TEX2: variants seen among roughly 807,000 people sequenced by gnomAD.
TEX2 encodes testis-expressed protein 2.
A neutral mutation model predicts 106.9 loss-of-function variants in TEX2; 53 were observed. The ratio of observed to expected loss-of-function variants is 0.50; its 90% CI spans 0.40 to 0.62. The LOEUF (loss-of-function observed/expected upper bound fraction) is 0.62, where lower values mean the gene tolerates loss of function less well. Among genes scored for constraint, TEX2 ranks in the 20% least tolerant of loss-of-function variants. TEX2 has a pLI of 0.00. For synonymous variants in TEX2, 523 were observed against 534.8 expected, an observed-to-expected ratio of 0.98 and a Z score of 0.30; for missense variants, 1,207 against 1,379.0, an observed-to-expected ratio of 0.88 and a Z score of 1.98.
chr17:64,243,808 CTTT>C (rs782115456), intron 1 of TEX2, among the ~76,000 whole-genome samples: 3 of 134,442 alleles, frequency 2.2e-5, no homozygotes. Context: ...TAAAACACCA[CTTT>C]TTTTTTTTTT....
intron 5 of TEX2, among the ~76,000 whole-genome samples, chr17:64,184,807 T>C (rs184738182): frequency 9.8e-5 from 15 of 152,342 alleles, no homozygotes; most frequent in African/African-American, 3.1e-4. Flanking sequence ...CCCATAGATA[T>C]CCAGTTGTTC....
intron 1 of TEX2, among the ~76,000 whole-genome samples, chr17:64,258,907 G>T (rs1490295693): frequency 6.6e-6 from 1 of 152,068 alleles, no homozygotes; most frequent in African/African-American, 2.4e-5. Flanking sequence ...ACAGGCATGT[G>T]CCACCACGCC....
At position 64,164,032 on chromosome 17, in the gene TEX2, T is replaced by A. The variant is rs192180747; in HGVS notation, c.2672-3099A>T. 3.0e-3 allele frequency among the ~76,000 whole-genome samples: 462 copies of A among 151,958 alleles called. 5 individuals are homozygous for A. Among genetic ancestry groups the A allele is most frequent in the Non-Finnish European group, 3.0e-3 (202 of 67,932 alleles). ...GGAGTAAGCAGGCAGTCCTGAGAGGTTCTCTGGGAAAGGGGGCTGGAGGCA... is the reference window on the plus strand; with the variant it reads ...GGAGTAAGCAGGCAGTCCTGAGAGGATCTCTGGGAAAGGGGGCTGGAGGCA... On this transcript the variant is annotated intron_variant, in intron 7 of 11. Coordinates refer to ENST00000584379, the MANE Select transcript of TEX2 (RefSeq NM_001288732.2).
At chr17:64,237,773 T>C (rs1280117634) in intron 1 of TEX2, among the ~76,000 whole-genome samples, 2 of 152,064 alleles carry the variant, frequency 1.3e-5, no homozygotes. Context: ...GTAGGTTCAG[T>C]TTGGGACATT....
At chr17:64,210,246 C>G (rs1189091399) in intron 2 of TEX2, among the ~76,000 whole-genome samples, 1 of 152,140 alleles carries the variant, frequency 6.6e-6, no homozygotes, top group Non-Finnish European at 1.5e-5. Flanking sequence ...TAACGCTAAG[C>G]TTAAGGGTGT....
rs755911931 is a variant in TEX2 at position 64,148,990 on chromosome 17, C to T, written c.3363G>A (p.Val1121=). ...STSCLLKDPP[V]EAADQP is the part of the protein sequence containing the mutation. ...CCCATCATGGCTGATCAGCAGCCTCCACAGGTGGGTCTTTCAGGAGGCAGG... is the reference window on the plus strand; with the variant it reads ...CCCATCATGGCTGATCAGCAGCCTCTACAGGTGGGTCTTTCAGGAGGCAGG... Residue 1121 remains valine, a synonymous_variant, in exon 12 of 12, where the codon GTG becomes GTA. Transcript: ENST00000584379. The T allele has an allele frequency of 1.2e-6, 2 of 1,614,204 alleles. No individual in the cohort carries two copies. The highest frequency in any genetic ancestry group is 1.3e-5 in the African/African-American group (1 of 75,052).
chr17:64,169,669 C>T (rs951710407), intron 7 of TEX2, among the ~76,000 whole-genome samples: 2 of 152,216 alleles, frequency 1.3e-5, no homozygotes, highest in Non-Finnish European at 2.9e-5. Context: ...AAAATCTCTT[C>T]ATATTTACAT....
intron 2 of TEX2, among the ~76,000 whole-genome samples, chr17:64,199,346 C>A (rs1216307646): frequency 6.6e-6 from 1 of 152,186 alleles, no homozygotes; most frequent in Admixed American, 6.5e-5. Flanking sequence ...AAGCAATTCT[C>A]CTGCCTCAGT....
intron 5 of TEX2, among the ~76,000 whole-genome samples, chr17:64,181,467 T>G (rs1220988814): frequency 4.3e-5 from 2 of 46,118 alleles, no homozygotes; most frequent in African/African-American, 9.1e-5. Flanking sequence ...AGAGCAAGGC[T>G]ATCTCAAAAA....
At chr17:64,166,232 A>T (rs2031130184) in intron 7 of TEX2, among the ~76,000 whole-genome samples, 1 of 152,206 alleles carries the variant, frequency 6.6e-6, no homozygotes, top group African/African-American at 2.4e-5. Context: ...ACTACGTGCC[A>T]CGTGCTCCGA....
intron 1 of TEX2, among the ~76,000 whole-genome samples, chr17:64,246,779 C>T (rs1863939298): frequency 6.6e-6 from 1 of 152,170 alleles, no homozygotes; most frequent in Non-Finnish European, 1.5e-5. Context: ...GACTTCTGGG[C>T]TAAAAGGGGT....
At chr17:64,215,554 T>C (rs1395213592) in intron 1 of TEX2, among the ~76,000 whole-genome samples, 4 of 152,150 alleles carry the variant, frequency 2.6e-5, no homozygotes, top group Non-Finnish European at 4.4e-5. Flanking sequence ...GCACCCAGCT[T>C]GGGCCCAGGA....
intron 6 of TEX2, among the ~76,000 whole-genome samples, chr17:64,174,960 G>A (rs918978726): frequency 6.6e-6 from 1 of 152,214 alleles, no homozygotes; most frequent in African/African-American, 2.4e-5. Context: ...CCAGCAAAGA[G>A]TTCTCCATAT....
intron 1 of TEX2, among the ~76,000 whole-genome samples, chr17:64,223,249 A>C (rs1366803058): frequency 6.6e-6 from 1 of 152,056 alleles, no homozygotes; most frequent in Admixed American, 6.6e-5. Context: ...GGCCATGAAA[A>C]ACCAATCAAC....
chr17:64,173,931 A>G (rs1396831146), intron 6 of TEX2, among the ~76,000 whole-genome samples: 1 of 152,034 alleles, frequency 6.6e-6, no homozygotes, highest in African/African-American at 2.4e-5. Context: ...CTGAAGCCAC[A>G]GCCTCCTGGG....
At chr17:64,219,858 C>T (rs797027381) in intron 1 of TEX2, among the ~76,000 whole-genome samples, 8 of 152,320 alleles carry the variant, frequency 5.3e-5, no homozygotes, top group African/African-American at 9.6e-5. Flanking sequence ...CACTCAGAGA[C>T]GTCCACATCC....
rs2032153805 is a variant in TEX2, at chr17:64,188,259, A to G, written c.2333T>C (p.Val778Ala). The G allele has an allele frequency of 6.2e-7, 1 of 1,613,954 alleles. No homozygotes were observed. The highest frequency in any genetic ancestry group is 8.5e-7 in the Non-Finnish European group (1 of 1,180,036). ...CTGGGGGACACACCTGCCCATGTAC[A>G]CGCTGTAGTCGAGAAGCATCTTCTG... ...VRQKMLLDYS[V>A]YMGRCVPQES... is the part of the protein sequence containing the mutation. Residue 778 changes from valine to alanine, a missense_variant, in exon 5 of 12, where the codon GTG becomes GCG. Physicochemically the swap from Val to Ala is moderately conservative, Grantham distance 64 (BLOSUM62 0). This residue lies in a region of TEX2 where 1,067 missense variants were observed against 1,193.6 expected (regional missense o/e 0.89). Transcript: ENST00000584379.
chr17:64,173,344 A>C (rs2031492118), intron 6 of TEX2, among the ~76,000 whole-genome samples: 1 of 152,172 alleles, frequency 6.6e-6, no homozygotes, highest in Non-Finnish European at 1.5e-5. Context: ...TAGTTTTATA[A>C]AATTTAGAAT....
intron 7 of TEX2, among the ~76,000 whole-genome samples, chr17:64,167,273 A>ATTTTG (rs1369115366): frequency 1.3e-5 from 2 of 152,116 alleles, no homozygotes; most frequent in Admixed American, 6.5e-5. Context: ...TGAGAATGCC[A>ATTTTG]TTTTGTTTTG....
Sources: allele counts gnomAD v4.1 joint callset (sites outside exome capture counted in the v4.1 genomes callset), GRCh38; gene constraint gnomAD v4.1.1; regional missense constraint gnomAD v4.1.1; transcripts MANE v1.5; gene names NCBI Gene and HGNC (gene_info 2026-07-23, HGNC 2026-07-21).